The following ELK4 variants were observed in gnomAD, a reference collection of about 807,000 sequenced individuals.
ELK4 encodes the protein ETS domain-containing protein Elk-4.
A neutral mutation model predicts 29.6 loss-of-function variants in ELK4; 16 were observed. That is an observed-to-expected ratio of 0.54 (90% CI 0.37 to 0.82). The LOEUF (loss-of-function observed/expected upper bound fraction) is 0.82, where lower values mean the gene tolerates loss of function less well. Among genes scored for constraint, ELK4 ranks in the 40% least tolerant of loss-of-function variants. The pLI is 0.00. For missense variants in ELK4, 465 were observed against 507.1 expected (o/e 0.92, Z 0.80); for synonymous variants, 213 against 191.1 (o/e 1.11, Z -0.95).
chr1:205,629,534 T>G (rs959677489), intron 1 of ELK4, among the ~76,000 whole-genome samples: 1 of 152,000 alleles, frequency 6.6e-6, no homozygotes, highest in South Asian at 2.1e-4. Context: ...CTGGCCAACA[T>G]GGTGAAACCC....
At position 205,615,183 on chromosome 1, in the gene ELK4, G is replaced by C. The variant is rs1670211841; in HGVS notation, c.*1363C>G. ...TGAGGTGGGCGGATCACAAGGTCAA[G>C]AGATCAAGACCATCCTGGCCAACAT... On this transcript the variant is annotated 3_prime_UTR_variant, in exon 5 of 5. Transcript: ENST00000357992. 5.8e-6 allele frequency: 1 copy of C among 172,492 alleles called. No homozygotes were observed. The highest frequency in any genetic ancestry group is 2.4e-5 in the African/African-American group (1 of 41,978). The allele number at this position is 172,492 out of a possible 1,614,324, so 10.7% of individuals were successfully genotyped here.
chr1:205,621,193 T>TAAAA (rs61338827), intron 2 of ELK4, among the ~76,000 whole-genome samples: 4 of 77,450 alleles, frequency 5.2e-5, no homozygotes, highest in African/African-American at 9.8e-5. Context: ...GAGTCTGTCT[T>TAAAA]AAAAAAAAAA....
chr1:205,620,347 C>A lies in ELK4; in HGVS notation c.699G>T (p.Leu233=). The change falls in exon 3 of 5, where the codon CTG becomes CTT. Residue 233 remains leucine (L), a synonymous_variant. Coordinates refer to ENST00000357992, the MANE Select transcript of ELK4 (RefSeq NM_001973.4). ...CAGAGGTTGGGGCTTCCAGGGAAGG[C>A]AGTTTTGGGGAAACCAATGTCTCCA... ...QALETLVSPK[L]PSLEAPTSAS... 1 of 1,614,166 alleles carries A rather than the reference C, an allele frequency of 6.2e-7. No homozygotes were observed. Among genetic ancestry groups the A allele is most frequent in the Non-Finnish European group, 8.5e-7 (1 of 1,180,026 alleles).
At chr1:205,631,161 A>G (rs1379625329) in intron 1 of ELK4, among the ~76,000 whole-genome samples, 3 of 152,186 alleles carry the variant, frequency 2.0e-5, no homozygotes, top group African/African-American at 7.2e-5. Flanking sequence ...CGAAAGAGAA[A>G]AAGAAATGAA....
chr1:205,613,347 A>G lies in ELK4; in HGVS notation c.*3199T>C, dbSNP rs549958670. On this transcript the variant is annotated 3_prime_UTR_variant, in exon 5 of 5. Transcript: ENST00000357992. ...GATTACTGAAAGATCTCATTTCTAA[A>G]AAAAGAAAAAGAAAAAGATCACTGA... is the stretch of plus-strand genomic sequence containing the variant. The G allele has an allele frequency of 3.2e-5, 6 of 185,860 alleles. No individual in the cohort carries two copies. The highest frequency in any genetic ancestry group is 1.4e-4 in the African/African-American group (6 of 42,786). The allele number at this position is 185,860 out of a possible 1,614,324, so 11.5% of individuals were successfully genotyped here. A position where few individuals can be genotyped will look rare whatever the true frequency, so the allele number is the denominator to read the frequency against.
chr1:205,625,366 G>T, intron 1 of ELK4: 1 of 382,066 alleles, frequency 2.6e-6, no homozygotes, highest in Non-Finnish European at 4.9e-6. Flanking sequence ...ATAAACACAC[G>T]AAAAAATGCT....
intron 1 of ELK4, among the ~76,000 whole-genome samples, chr1:205,624,423 G>A (rs1670414131): frequency 6.6e-6 from 1 of 152,068 alleles, no homozygotes; most frequent in Non-Finnish European, 1.5e-5. Flanking sequence ...GAGGTGTAGG[G>A]AATAATCTAC....
At chr1:205,625,679 CTTTTTT>C in intron 1 of ELK4, 1 of 693,322 alleles carries the variant, frequency 1.4e-6, no homozygotes, top group East Asian at 2.7e-5. Flanking sequence ...GCTGCTGCTT[CTTTTTT>C]TTTTTTTTTG....
chr1:205,631,648 G>A lies in ELK4; in HGVS notation c.-26C>T. 1 of 331,542 alleles carries A rather than the reference G, an allele frequency of 3.0e-6. No homozygotes were observed. The highest frequency in any genetic ancestry group is 6.2e-6 in the Non-Finnish European group (1 of 160,356). 20.5% of individuals were successfully genotyped at this position (331,542 alleles called of 1,614,324 possible). On this transcript the variant is annotated 5_prime_UTR_variant, in exon 1 of 5. Transcript: ENST00000357992. ...ACCGCTCACCGACGCCGCGCGCGGG[G>A]CTCCCCCTCGGTCTCCGCCTCGAAC...
rs1670198364 is a variant in ELK4, at chr1:205,614,457, A to AAAT, written c.*2086_*2088dup. ...CCAATTTCAAACAGGCATGCAAACTAAATAATTTAATATGGAAAAAAAAGT... is the reference window on the plus strand; with the variant it reads ...CCAATTTCAAACAGGCATGCAAACTAAATAATAATTTAATATGGAAAAAAAAGT... On this transcript the variant is annotated 3_prime_UTR_variant, in exon 5 of 5. Transcript: ENST00000357992. 4.4e-6 allele frequency: 1 copy of AAAT among 225,018 alleles called. No individual in the cohort carries two copies. Among genetic ancestry groups the AAAT allele is most frequent in the East Asian group, 6.5e-5 (1 of 15,410 alleles). The allele number at this position is 225,018 out of a possible 1,614,324, so 13.9% of individuals were successfully genotyped here. A position where few individuals can be genotyped will look rare whatever the true frequency, so the allele number is the denominator to read the frequency against.
At chr1:205,617,660 G>A (rs1055873998) in intron 4 of ELK4, among the ~76,000 whole-genome samples, 2 of 151,746 alleles carry the variant, frequency 1.3e-5, no homozygotes, top group Non-Finnish European at 2.9e-5. Context: ...CCAGCACTTC[G>A]GGAGGCTGAG....
In ELK4 at chr1:205,619,955, G is replaced by T. The variant is rs757935054; in HGVS notation, c.1080+11C>A. On this transcript the variant is annotated intron_variant, in intron 3 of 4. Coordinates refer to ENST00000357992, the MANE Select transcript of ELK4 (RefSeq NM_001973.4). ...AAGCAATGGTGACACCATAAAGAGC[G>T]AGCAAGCTACCTGTGAAAAAAATGC... is the stretch of plus-strand genomic sequence containing the variant. 1.2e-6 allele frequency: 2 copies of T among 1,614,182 alleles called. No homozygotes were observed. The highest frequency in any genetic ancestry group is 2.2e-5 in the South Asian group (2 of 91,078).
At chr1:205,628,498 C>T (rs1670509116) in intron 1 of ELK4, among the ~76,000 whole-genome samples, 1 of 152,208 alleles carries the variant, frequency 6.6e-6, no homozygotes, top group Non-Finnish European at 1.5e-5. Context: ...CTCTAGCCTA[C>T]ACAGATGTGG....
chr1:205,626,229 A>G, intron 1 of ELK4: 1 of 538,186 alleles, frequency 1.9e-6, no homozygotes, highest in South Asian at 1.7e-5. Context: ...TCCTCCTCCA[A>G]GCTCAAACAC....
intron 1 of ELK4, 120 bp downstream of exon 1, chr1:205,631,512 G>GCCCCGGC (rs1299191893): frequency 8.9e-6 from 1 of 112,826 alleles, no homozygotes; most frequent in African/African-American, 3.9e-5. Flanking sequence ...CGCGCGCCCG[G>GCCCCGGC]CCCCGGCCCC....
At chr1:205,617,591 T>C (rs531280402) in intron 4 of ELK4, among the ~76,000 whole-genome samples, 32 of 151,262 alleles carry the variant, frequency 2.1e-4, no homozygotes, top group African/African-American at 7.8e-4. Context: ...TTTCAAGACC[T>C]TTCTCTATTA....
At position 205,620,296 on chromosome 1, in the gene ELK4, G is replaced by T. The variant is rs1451569892; in HGVS notation, c.750C>A (p.Ala250=). Residue 250 remains alanine (A), a synonymous_variant, in exon 3 of 5, where the codon GCC becomes GCA. Transcript: ENST00000357992. ...GTATGGACGAAATGGGTGGTGTGGT[G>T]GCAAAAGCAGTCATTACGTTAGAGG... ...TSASNVMTAF[A]TTPPISSIPP... The T allele has an allele frequency of 1.2e-5, 20 of 1,614,232 alleles. No individual in the cohort carries two copies. The highest frequency in any genetic ancestry group is 1.7e-5 in the Non-Finnish European group (20 of 1,180,046).
chr1:205,609,532 A>G lies in ELK4; in HGVS notation c.*7014T>C, dbSNP rs1670123289. 5.1e-6 allele frequency: 1 copy of G among 194,494 alleles called. No individual in the cohort carries two copies. The highest frequency in any genetic ancestry group is 1.1e-5 in the Non-Finnish European group (1 of 93,468). 12.0% of individuals were successfully genotyped at this position (194,494 alleles called of 1,614,324 possible). ...TATCTTTACATATACGCATCTGTCA[A>G]TTTCACTAATACTGAACAGGGAAGT... On this transcript the variant is annotated 3_prime_UTR_variant, in exon 5 of 5. Coordinates refer to ENST00000357992, the MANE Select transcript of ELK4 (RefSeq NM_001973.4).
chr1:205,614,026 G>GT lies in ELK4; in HGVS notation c.*2519dup, dbSNP rs1670192887. On this transcript the variant is annotated 3_prime_UTR_variant, in exon 5 of 5. Transcript: ENST00000357992. ...GAACTGTCTGCCTCATACACCTGCA[G>GT]TAAGGTTGTAAACTTTGACTTAAAA... The GT allele has an allele frequency of 4.4e-6, 1 of 224,886 alleles. No individual in the cohort carries two copies. Among genetic ancestry groups the GT allele is most frequent in the Admixed American group, 5.7e-5 (1 of 17,476 alleles). The allele number at this position is 224,886 out of a possible 1,614,324, so 13.9% of individuals were successfully genotyped here.
Sources: allele counts gnomAD v4.1 joint callset (sites outside exome capture counted in the v4.1 genomes callset), GRCh38; gene constraint gnomAD v4.1.1; transcripts MANE v1.5; gene names NCBI Gene and HGNC (gene_info 2026-07-23, HGNC 2026-07-21).